The following STARD9 variants were observed in gnomAD, a reference collection of about 807,000 sequenced individuals.
STARD9 encodes stAR-related lipid transfer protein 9.
A neutral mutation model predicts 399.8 loss-of-function variants in STARD9; 346 were observed. The observed-to-expected ratio is 0.87, with a 90% CI of 0.79 to 0.95. STARD9 has a LOEUF of 0.95. Among genes scored for constraint, STARD9 ranks in the 40% least tolerant of loss-of-function variants. The pLI is 0.00. For missense variants in STARD9, 5,832 were observed against 5,667.5 expected, an observed-to-expected ratio of 1.03 and a Z score of -0.93; for synonymous variants, 2,203 against 2,143.5, an observed-to-expected ratio of 1.03 and a Z score of -0.77.
At chr15:42,676,043 A>C in intron 20 of STARD9, 68 bp downstream of exon 20, 2 of 309,158 alleles carry the variant, frequency 6.5e-6, no homozygotes, top group East Asian at 1.0e-4. Context: ...GACAGCATGG[A>C]TCAGGGTGGG....
At position 42,690,981 on chromosome 15, in the gene STARD9, C is replaced by G; in HGVS notation, c.9403C>G (p.Pro3135Ala). The G allele has an allele frequency of 6.5e-7, 1 of 1,537,224 alleles. No individual in the cohort carries two copies. The highest frequency in any genetic ancestry group is 2.4e-5 in the East Asian group (1 of 40,916). Residue 3135 changes from proline (P) to alanine (A), a missense_variant, in exon 23 of 33, where the codon CCT becomes GCT. Pro to Ala is a conservative substitution (Grantham distance 27). This residue lies in a region of STARD9 where 5,828 missense variants were observed against 5,651.1 expected (regional missense o/e 1.03). Transcript: ENST00000290607. ...AQVCQTNPEP[P>A]ATTQGPHTLD... ...GGTGTGTCAAACCAATCCAGAACCA[C>G]CTGCAACAACTCAGGGACCACACAC...
chr15:42,715,747 G>A (rs933741123), intron 26 of STARD9, among the ~76,000 whole-genome samples: 3 of 152,130 alleles, frequency 2.0e-5, no homozygotes, highest in Non-Finnish European at 4.4e-5. Context: ...GACCTCAGGT[G>A]ATCTACCGCC....
At chr15:42,611,808 G>C (rs931641887) in intron 3 of STARD9, among the ~76,000 whole-genome samples, 1 of 152,134 alleles carries the variant, frequency 6.6e-6, no homozygotes, top group Non-Finnish European at 1.5e-5. Context: ...AAATAAACTG[G>C]AAACTGTCAG....
chr15:42,579,107 C>T (rs754988459), intron 1 of STARD9, among the ~76,000 whole-genome samples: 19 of 152,108 alleles, frequency 1.2e-4, no homozygotes, highest in Non-Finnish European at 2.5e-4. Context: ...AGTCATTCTC[C>T]TGGGATTATT....
chr15:42,619,421 CG>C, intron 3 of STARD9, among the ~76,000 whole-genome samples: 1 of 151,930 alleles, frequency 6.6e-6, no homozygotes, highest in East Asian at 1.9e-4. Flanking sequence ...AAAAATTAGC[CG>C]GGCATGGTGG....
At chr15:42,647,536 C>T (rs2059668538) in intron 7 of STARD9, among the ~76,000 whole-genome samples, 2 of 152,102 alleles carry the variant, frequency 1.3e-5, no homozygotes, top group Admixed American at 1.3e-4. Flanking sequence ...TCTACTTTGT[C>T]AGGCATTAAC....
intron 3 of STARD9, among the ~76,000 whole-genome samples, chr15:42,591,170 G>A (rs989660238): frequency 3.9e-5 from 6 of 152,134 alleles, no homozygotes. Flanking sequence ...GATGCCAGTA[G>A]CAATCCCCCA....
chr15:42,603,038 G>A (rs146143514), intron 3 of STARD9, among the ~76,000 whole-genome samples: 10 of 152,168 alleles, frequency 6.6e-5, no homozygotes, highest in Admixed American at 3.3e-4. Context: ...CATTTTTTGG[G>A]ACTGGAGTTT....
intron 26 of STARD9, among the ~76,000 whole-genome samples, chr15:42,712,734 C>T: frequency 6.6e-6 from 1 of 152,230 alleles, no homozygotes; most frequent in East Asian, 1.9e-4. Flanking sequence ...GTCTCGCTAT[C>T]TTGCCTGGGC....
intron 7 of STARD9, among the ~76,000 whole-genome samples, chr15:42,646,912 C>G (rs747950756): frequency 6.6e-6 from 1 of 152,140 alleles, no homozygotes. Flanking sequence ...GGCCTCATTT[C>G]AATATTGTTG....
rs754522204 is a variant in STARD9, at chr15:42,692,732, C to T, written c.11154C>T (p.Ala3718=). ...QNTKRDIPDK[A]PQALMMDGST... is the part of the protein sequence containing the mutation. ...CCAAGAGGGACATCCCAGATAAAGC[C>T]CCACAGGCCCTGATGATGGATGGCT... The change falls in exon 23 of 33, where the codon GCC becomes GCT. Residue 3718 remains alanine, a synonymous_variant. Transcript: ENST00000290607. 1.3e-6 allele frequency: 2 copies of T among 1,537,094 alleles called. No individual in the cohort carries two copies. The highest frequency in any genetic ancestry group is 1.7e-6 in the Non-Finnish European group (2 of 1,146,892).
At chr15:42,650,809 A>G (rs910001245) in intron 7 of STARD9, among the ~76,000 whole-genome samples, 4 of 152,180 alleles carry the variant, frequency 2.6e-5, no homozygotes, top group African/African-American at 7.2e-5. Context: ...ACAGAGACCT[A>G]TATTCCTAGA....
chr15:42,686,571 G>T lies in STARD9; in HGVS notation c.4993G>T (p.Ala1665Ser), dbSNP rs2060563061. 1 of 1,537,370 alleles carries T rather than the reference G, an allele frequency of 6.5e-7. No individual in the cohort carries two copies. Among genetic ancestry groups the T allele is most frequent in the Non-Finnish European group, 8.7e-7 (1 of 1,147,036 alleles). The stretch of plus-strand genomic sequence containing the variant: ...CAGTAATGTCACTACAGCCACCAAA[G>T]CAGACCATTGGTCCCAAGGCTGGGC... ...CHSNVTTATKADHWSQGWAPL... is the reference protein window; with the variant it reads ...CHSNVTTATKSDHWSQGWAPL... Residue 1665 changes from alanine (A) to serine (S), a missense_variant, in exon 23 of 33, where the codon GCA (alanine) becomes TCA (serine). By Grantham distance (99) the Ala-to-Ser change is moderately conservative (BLOSUM62 1). Transcript: ENST00000290607.
Position 42,690,775 on chromosome 15 carries a change from G to A in STARD9, c.9197G>A (p.Arg3066Lys), listed in dbSNP as rs2060672941. The A allele has an allele frequency of 1.3e-6, 2 of 1,537,242 alleles. No homozygotes were observed. The highest frequency in any genetic ancestry group is 3.9e-5 in the Admixed American group (2 of 50,998). Residue 3066 changes from arginine to lysine, a missense_variant, in exon 23 of 33, where the codon AGG becomes AAG. Physicochemically the swap from Arg to Lys is conservative, Grantham distance 26. This residue lies in a region of STARD9 where 5,828 missense variants were observed against 5,651.1 expected (regional missense o/e 1.03). Transcript: ENST00000290607. ...GCRSPSAPDV[R>K]TGSFSHSATD... Reference sequence around the variant, plus strand: ...AGATCCCCTTCTGCTCCTGACGTGAGGACAGGTTCCTTCAGCCACTCAGCT... The same window carrying A: ...AGATCCCCTTCTGCTCCTGACGTGAAGACAGGTTCCTTCAGCCACTCAGCT...
intron 3 of STARD9, among the ~76,000 whole-genome samples, chr15:42,623,184 G>A (rs1389588832): frequency 1.3e-5 from 2 of 151,952 alleles, no homozygotes; most frequent in South Asian, 2.1e-4. Flanking sequence ...CCTGGGAGGC[G>A]GAGGTTGCAG....
chr15:42,713,490 A>G (rs537399578), intron 26 of STARD9, among the ~76,000 whole-genome samples: 17 of 152,314 alleles, frequency 1.1e-4, no homozygotes, highest in Non-Finnish European at 1.6e-4. Flanking sequence ...GGAGGAAGGT[A>G]TCCATCTTTC....
chr15:42,605,777 G>A (rs2058712095), intron 3 of STARD9, among the ~76,000 whole-genome samples: 1 of 152,170 alleles, frequency 6.6e-6, no homozygotes, highest in South Asian at 2.1e-4. Context: ...CTGCTGAGAT[G>A]AGAAGACATC....
chr15:42,638,839 G>A, intron 7 of STARD9, 27 bp downstream of exon 7: 1 of 1,363,268 alleles, frequency 7.3e-7, no homozygotes, highest in Non-Finnish European at 1.0e-6. Context: ...CTGGAGATCT[G>A]AAACCAAACT....
At chr15:42,665,400 A>G (rs1302487480) in intron 14 of STARD9, 70 bp downstream of exon 14, 11 of 1,286,732 alleles carry the variant, frequency 8.5e-6, no homozygotes, top group Non-Finnish European at 1.2e-5. Context: ...TCTTCTCCAT[A>G]GAGTCTGGGC....
Sources: gnomAD v4.1 joint callset for allele counts (sites outside exome capture counted in the v4.1 genomes callset) on GRCh38, gnomAD v4.1.1 for gene constraint, gnomAD v4.1.1 regional missense constraint, MANE v1.5 for transcripts, NCBI Gene and HGNC (gene_info 2026-07-23, HGNC 2026-07-21) for gene names.